PPT1: variants seen among roughly 807,000 people sequenced by gnomAD.
The protein encoded by PPT1 is ceroid-palmitoyl-palmitoyl-protein thioesterase 1.
A neutral mutation model predicts 44.0 loss-of-function variants in PPT1; 24 were observed. The ratio of observed to expected loss-of-function variants is 0.54; its 90% CI spans 0.39 to 0.77. The LOEUF (loss-of-function observed/expected upper bound fraction) is 0.77. Among genes scored for constraint, PPT1 ranks in the 30% least tolerant of loss-of-function variants. The pLI is 0.00. For synonymous variants in PPT1, 148 were observed against 140.2 expected (o/e 1.06, Z -0.39); for missense variants, 341 against 378.8 (o/e 0.90, Z 0.83).
intron 6 of PPT1, 54 bp from the exon 7 acceptor site, chr1:40,078,712 G>A (rs1258438598): frequency 4.2e-6 from 6 of 1,441,760 alleles, no homozygotes; most frequent in Non-Finnish European, 5.9e-6. Context: ...ACCAGCAGAG[G>A]GAGTAAAGCC....
At chr1:40,091,895 G>C in intron 3 of PPT1, 150 bp downstream of exon 3, 6 of 855,492 alleles carry the variant, frequency 7.0e-6, no homozygotes, top group South Asian at 3.5e-5. Context: ...AAGAAATTAA[G>C]TTCCATAAAG....
At chr1:40,071,846 CAACA>C (rs1648104064), downstream of PPT1, 2 of 460,600 alleles carry the variant, frequency 4.3e-6, no homozygotes, top group Admixed American at 7.5e-5. Flanking sequence ...GTTATTCTAC[CAACA>C]AACAGTCCAT....
At chr1:40,077,279 G>C (rs1270827348) in intron 7 of PPT1, among the ~76,000 whole-genome samples, 3 of 152,204 alleles carry the variant, frequency 2.0e-5, no homozygotes, top group East Asian at 1.9e-4. Flanking sequence ...GAGTACAGAG[G>C]TCAGCAAACG....
intron 7 of PPT1, among the ~76,000 whole-genome samples, chr1:40,077,787 C>G (rs972939089): frequency 1.3e-5 from 2 of 152,054 alleles, no homozygotes; most frequent in African/African-American, 4.8e-5. Context: ...ATTCTAGAGA[C>G]AGAAATATAT....
chr1:40,079,797 C>T (rs1342991210), intron 6 of PPT1, among the ~76,000 whole-genome samples: 1 of 152,216 alleles, frequency 6.6e-6, no homozygotes, highest in African/African-American at 2.4e-5. Flanking sequence ...GTGTCCATCA[C>T]ATAGGTGAGA....
intron 5 of PPT1, among the ~76,000 whole-genome samples, chr1:40,085,260 TTC>T (rs371071659): frequency 6.6e-6 from 1 of 151,616 alleles, no homozygotes; most frequent in African/African-American, 2.4e-5. Context: ...TAAGCTGTCT[TTC>T]TCTCTCTCTC....
intron 1 of PPT1, chr1:40,093,923 G>A (rs770255406): frequency 5.8e-6 from 4 of 688,496 alleles, no homozygotes; most frequent in South Asian, 3.1e-5. Context: ...GGCCAAGCAT[G>A]GGCTCATACC....
chr1:40,073,433 G>C lies in PPT1; in HGVS notation c.*628C>G, dbSNP rs1407480234. On this transcript the variant is annotated 3_prime_UTR_variant, in exon 9 of 9. Transcript: ENST00000642050. ...ATTTGGGTGCTACTTCCCTCCTTTTGTGACAGCAACTAATTCATCACTACC... is the reference window on the plus strand; with the variant it reads ...ATTTGGGTGCTACTTCCCTCCTTTTCTGACAGCAACTAATTCATCACTACC... 1 of 152,750 alleles carries C rather than the reference G, an allele frequency of 6.5e-6. No homozygotes were observed. The highest frequency in any genetic ancestry group is 1.5e-5 in the Non-Finnish European group (1 of 68,482). The allele number at this position is 152,750 out of a possible 1,614,324, so 9.5% of individuals were successfully genotyped here.
At chr1:40,071,506 C>T (rs751450190), downstream of PPT1, 46 of 1,613,322 alleles carry the variant, frequency 2.9e-5, no homozygotes, top group Admixed American at 5.0e-5. Flanking sequence ...AGAAGTTGGT[C>T]ACCACAGTGA....
chr1:40,093,379 G>A (rs1046403837), intron 1 of PPT1, among the ~76,000 whole-genome samples: 5 of 45,364 alleles, frequency 1.1e-4, no homozygotes, highest in African/African-American at 2.0e-4. Context: ...GTAGGAGGGG[G>A]CAATAGGGAG....
chr1:40,097,241 T>C lies in PPT1; in HGVS notation c.-3A>G, dbSNP rs777015844. On this transcript the variant is annotated 5_prime_UTR_variant, in exon 1 of 9. Transcript: ENST00000642050. ...CACAGGCAGCCGGGCGACGCCATCT[T>C]CGCTGTGTCACATGACCGCGGGCGC... 2 of 1,613,712 alleles carry C rather than the reference T, an allele frequency of 1.2e-6. No individual in the cohort carries two copies. The highest frequency in any genetic ancestry group is 4.5e-5 in the East Asian group (2 of 44,852).
rs137852697 is a variant in PPT1, at chr1:40,092,171, T to C, written c.236A>G (p.Asp79Gly). ...SLEIGKTLME[D>G]VENSFFLNVN... is the part of the protein sequence containing the mutation. ...ATTCAAGAAGAAGCTGTTCTCCACG[T>C]CCTAAAAAAGAAGCCAGAGAGAAGT... Residue 79 changes from aspartate (D) to glycine (G), a missense_variant and splice_region_variant, in exon 3 of 9, where the codon GAC becomes GGC. By Grantham distance (94) the Asp-to-Gly change is moderately conservative. Transcript: ENST00000642050. 4 of 1,614,134 alleles carry C rather than the reference T, an allele frequency of 2.5e-6. No individual in the cohort carries two copies. The highest frequency in any genetic ancestry group is 3.4e-6 in the Non-Finnish European group (4 of 1,179,998).
intron 8 of PPT1, chr1:40,076,468 G>GA (rs943383046): frequency 2.7e-3 from 1,219 of 458,056 alleles, no homozygotes; most frequent in Middle Eastern, 4.5e-3. Flanking sequence ...CCGTCTCAAA[G>GA]AAAAAAAAAG....
At chr1:40,091,118 A>C (rs1415867105) in intron 4 of PPT1, among the ~76,000 whole-genome samples, 1 of 152,236 alleles carries the variant, frequency 6.6e-6, no homozygotes, top group Non-Finnish European at 1.5e-5. Flanking sequence ...ATTGGAGAGA[A>C]GTAGATGCCA....
At chr1:40,092,881 A>T (rs1649645650) in intron 1 of PPT1, among the ~76,000 whole-genome samples, 1 of 152,242 alleles carries the variant, frequency 6.6e-6, no homozygotes, top group South Asian at 2.1e-4. Context: ...AATAACAAGT[A>T]TTGTCAACGA....
chr1:40,080,630 C>G (rs957645356), intron 5 of PPT1, 143 bp from the exon 6 acceptor site: 15 of 740,346 alleles, frequency 2.0e-5, no homozygotes, highest in Non-Finnish European at 3.5e-5. Flanking sequence ...AATCCCAGCA[C>G]TTTGGGAGGC....
chr1:40,080,197 T>TAA (rs1648847271), intron 6 of PPT1, among the ~76,000 whole-genome samples, 200 bp downstream of exon 6: 1 of 152,126 alleles, frequency 6.6e-6, no homozygotes, highest in Non-Finnish European at 1.5e-5. Flanking sequence ...GGAAAGAACT[T>TAA]AAGGGAAGAA....
chr1:40,079,647 C>G (rs558371759), intron 6 of PPT1, among the ~76,000 whole-genome samples: 1 of 152,110 alleles, frequency 6.6e-6, no homozygotes, highest in Admixed American at 6.5e-5. Context: ...CTGCCCACCT[C>G]GGCCTCCCAA....
At position 40,084,171 on chromosome 1, in the gene PPT1, A is replaced by G. The variant is rs553920061; in HGVS notation, c.537-3684T>C. Among the ~76,000 whole-genome samples the G allele has an allele frequency of 5.9e-5, 9 of 152,354 alleles. No homozygotes were observed. In the South Asian group the frequency reaches 1.2e-3, roughly 21 times the overall value. ...AATGGCTGAGGGATTCAAGACTTCA[A>G]TGAAGGAAGTAACTGCAGATGTGGA... On this transcript the variant is annotated intron_variant, in intron 5 of 8. Coordinates refer to ENST00000642050, the MANE Select transcript of PPT1 (RefSeq NM_000310.4).
Sources: gnomAD v4.1 joint callset for allele counts (sites outside exome capture counted in the v4.1 genomes callset) on GRCh38, gnomAD v4.1.1 for gene constraint, MANE v1.5 for transcripts, NCBI Gene and HGNC (gene_info 2026-07-23, HGNC 2026-07-21) for gene names.